Variants in IL1RAPL1 observed in about 807,000 individuals in gnomAD.
IL1RAPL1 encodes interleukin 1 receptor accessory protein like 1.
A neutral mutation model predicts 48.4 loss-of-function variants in IL1RAPL1; 3 were observed. The observed-to-expected ratio is 0.06, with a 90% CI of 0.03 to 0.16. The LOEUF (loss-of-function observed/expected upper bound fraction) is 0.16, where lower values mean the gene tolerates loss of function less well. IL1RAPL1 is among the 10% of genes least tolerant of loss of function. The pLI is 1.00. For synonymous variants in IL1RAPL1, 185 were observed against 187.7 expected (o/e 0.99, Z 0.12); for missense variants, 349 against 530.6 (o/e 0.66, Z 3.36).
intron 6 of IL1RAPL1, among the ~76,000 whole-genome samples, chrX:29,860,968 A>G (rs955315322): frequency 1.1e-4 from 12 of 112,307 alleles, no homozygotes; most frequent in African/African-American, 3.6e-4. Context: ...AATAGGAGTA[A>G]GAGGAGGAGA....
chrX:28,999,912 T>C, intron 2 of IL1RAPL1, among the ~76,000 whole-genome samples: 1 of 111,926 alleles, frequency 8.9e-6, no homozygotes, highest in East Asian at 2.8e-4. Flanking sequence ...AAGAAGTGAA[T>C]GAAGAGTCAC....
chrX:29,541,822 A>G (rs1921449140), intron 5 of IL1RAPL1, among the ~76,000 whole-genome samples: 1 of 110,758 alleles, frequency 9.0e-6, no homozygotes, highest in Admixed American at 9.7e-5. Context: ...ACGATTGGGT[A>G]CTATGCTCAG....
At chrX:29,706,126 G>C (rs1019777202) in intron 6 of IL1RAPL1, among the ~76,000 whole-genome samples, 5 of 111,229 alleles carry the variant, frequency 4.5e-5, no homozygotes, top group Admixed American at 9.6e-5. Context: ...GACCCATTCA[G>C]TATCACGAGA....
intron 2 of IL1RAPL1, among the ~76,000 whole-genome samples, chrX:29,117,701 G>T (rs1034421406): frequency 1.8e-5 from 2 of 111,571 alleles, no homozygotes; most frequent in South Asian, 7.4e-4. Context: ...CACTGAAGAG[G>T]TCTTCTTAAT....
chrX:28,739,642 G>T (rs1935884697), intron 1 of IL1RAPL1, among the ~76,000 whole-genome samples: 1 of 111,471 alleles, frequency 9.0e-6, no homozygotes. Flanking sequence ...TGAAATCAAT[G>T]TACACTCTGT....
chrX:28,926,081 G>A (rs1364436509), intron 2 of IL1RAPL1, among the ~76,000 whole-genome samples: 1 of 111,950 alleles, frequency 8.9e-6, no homozygotes, highest in Non-Finnish European at 1.9e-5. Flanking sequence ...AGCCACCTGT[G>A]GCTACTTAAA....
At chrX:29,843,770 A>G (rs1449957714) in intron 6 of IL1RAPL1, among the ~76,000 whole-genome samples, 1 of 100,277 alleles carries the variant, frequency 1.0e-5, no homozygotes, top group African/African-American at 3.9e-5. Context: ...TCTCTCTTCA[A>G]TTCTCTCTCT....
At chrX:29,548,190 A>T (rs139902198) in intron 5 of IL1RAPL1, among the ~76,000 whole-genome samples, 1,312 of 112,620 alleles carry the variant, frequency 0.012, 16 homozygotes, top group African/African-American at 0.041. Context: ...TATGCAAATG[A>T]AGAGAGCAGT....
At chrX:29,245,494 T>G (rs1236337705) in intron 2 of IL1RAPL1, among the ~76,000 whole-genome samples, 1 of 112,107 alleles carries the variant, frequency 8.9e-6, no homozygotes, top group East Asian at 2.8e-4. Context: ...GGTATCTCAT[T>G]GTGGTTTTGA....
At chrX:29,679,839 C>T (rs7886566) in intron 6 of IL1RAPL1, among the ~76,000 whole-genome samples, 6,290 of 111,301 alleles carry the variant, frequency 0.057, 449 homozygotes, top group African/African-American at 0.19. Flanking sequence ...CAGAGAACAT[C>T]GGTGACTATT....
At position 29,148,278 on chromosome X, in the gene IL1RAPL1, G is replaced by T. The variant is rs181968849; in HGVS notation, c.83-134660G>T. ...TGAGTGTTCAGGTTTATTGGTGGAAGAATTATGAGTTTATAAATCACTGAT... is the reference window on the plus strand; with the variant it reads ...TGAGTGTTCAGGTTTATTGGTGGAATAATTATGAGTTTATAAATCACTGAT... On this transcript the variant is annotated intron_variant, in intron 2 of 10. Transcript: ENST00000378993. Among the ~76,000 whole-genome samples, 76 of 111,694 alleles carry T rather than the reference G, an allele frequency of 6.8e-4. 1 individual carries two copies. The East Asian group carries it at 0.016, about 24-fold the overall frequency.
chrX:29,128,386 G>A (rs1322753943), intron 2 of IL1RAPL1, among the ~76,000 whole-genome samples: 1 of 111,222 alleles, frequency 9.0e-6, no homozygotes, highest in African/African-American at 3.3e-5. Context: ...CAATACACCT[G>A]AGTATTGAAG....
At chrX:28,670,808 TAAATGATTCAG>T (rs1213210582) in intron 1 of IL1RAPL1, among the ~76,000 whole-genome samples, 2 of 112,322 alleles carry the variant, frequency 1.8e-5, no homozygotes, top group Non-Finnish European at 3.8e-5. Flanking sequence ...TATGCTGATT[TAAATGATTCAG>T]ATTATGGTTG....
At chrX:28,599,971 G>C (rs771105660) in intron 1 of IL1RAPL1, among the ~76,000 whole-genome samples, 2 of 111,536 alleles carry the variant, frequency 1.8e-5, no homozygotes, top group South Asian at 3.8e-4. Flanking sequence ...AGTGACTGGC[G>C]GGGGGCTGCC....
intron 1 of IL1RAPL1, among the ~76,000 whole-genome samples, chrX:28,709,806 G>C (rs1254576945): frequency 9.0e-6 from 1 of 111,356 alleles, no homozygotes; most frequent in East Asian, 2.8e-4. Context: ...TTTTAGGCAA[G>C]CAATTTTGCA....
chrX:29,296,190 A>G (rs1386312450), intron 3 of IL1RAPL1, among the ~76,000 whole-genome samples: 1 of 111,815 alleles, frequency 8.9e-6, no homozygotes, highest in Non-Finnish European at 1.9e-5. Context: ...AAGCCTGGAC[A>G]TCGCAAGTAT....
chrX:28,621,501 T>C (rs1353824111), intron 1 of IL1RAPL1, among the ~76,000 whole-genome samples: 2 of 112,011 alleles, frequency 1.8e-5, no homozygotes, highest in Non-Finnish European at 3.8e-5. Flanking sequence ...CTTTTGAGGC[T>C]CTGACTTAGT....
At chrX:29,222,021 A>G (rs2147550748) in intron 2 of IL1RAPL1, among the ~76,000 whole-genome samples, 1 of 108,602 alleles carries the variant, frequency 9.2e-6, no homozygotes, top group Non-Finnish European at 1.9e-5. Context: ...CCGTCAAAAA[A>G]AAAAAAAAAA....
At chrX:28,871,143 G>A (rs1922197630) in intron 2 of IL1RAPL1, among the ~76,000 whole-genome samples, 1 of 111,996 alleles carries the variant, frequency 8.9e-6, no homozygotes, top group Non-Finnish European at 1.9e-5. Context: ...AAGAATTATA[G>A]CACTAAGCCG....
Sources: gnomAD v4.1 joint callset for allele counts (sites outside exome capture counted in the v4.1 genomes callset) on GRCh38, gnomAD v4.1.1 for gene constraint, MANE v1.5 for transcripts, NCBI Gene and HGNC (gene_info 2026-07-23, HGNC 2026-07-21) for gene names.